The following RGPD2 variants were observed in gnomAD, a reference collection of about 807,000 sequenced individuals.
RGPD2 encodes RANBP2 like and GRIP domain containing 2, also known as RANBP2-like and GRIP domain-containing protein 2.
RGPD2 carries 2 observed loss-of-function variants against 36.0 expected under a neutral mutation model. That is an observed-to-expected ratio of 0.06 (90% confidence interval 0.02 to 0.17). RGPD2 has a LOEUF of 0.17. RGPD2 is among the 10% of genes least tolerant of loss of function. RGPD2 has a pLI of 1.00. For synonymous variants in RGPD2, 19 were observed against 163.8 expected, an observed-to-expected ratio of 0.12 and a Z score of 6.75; for missense variants, 40 against 464.3, an observed-to-expected ratio of 0.09 and a Z score of 8.40.
At chr2:87,856,843 C>T in the RGPD2 span, among the ~76,000 whole-genome samples, 1 of 151,630 alleles carries the variant, frequency 6.6e-6, no homozygotes, top group Non-Finnish European at 1.5e-5. Flanking sequence ...CGAATTTTTT[C>T]ACTTTTATTT....
the RGPD2 span, among the ~76,000 whole-genome samples, chr2:87,882,363 C>A: frequency 5.3e-5 from 8 of 152,208 alleles, no homozygotes. Context: ...ATTATCCTTT[C>A]TCCAATGTGG....
chr2:87,928,942 G>A, the RGPD2 span, among the ~76,000 whole-genome samples: 3,180 of 151,790 alleles, frequency 0.021, 123 homozygotes, highest in African/African-American at 0.073. Context: ...ATAGATTCAG[G>A]ATATTAGACC....
At chr2:87,952,391 T>C in the RGPD2 span, among the ~76,000 whole-genome samples, 2 of 152,190 alleles carry the variant, frequency 1.3e-5, no homozygotes, top group Non-Finnish European at 2.9e-5. Context: ...TGGTTTACAA[T>C]GATAAGCTTA....
the RGPD2 span, among the ~76,000 whole-genome samples, chr2:87,906,825 G>A: frequency 4.8e-3 from 708 of 146,642 alleles, no homozygotes; most frequent in East Asian, 0.059. Context: ...AGGCTTAGGT[G>A]GGAAGAGCAC....
the RGPD2 span, among the ~76,000 whole-genome samples, chr2:87,863,749 CTTTGA>C: frequency 3.3e-4 from 50 of 151,410 alleles, no homozygotes; most frequent in Admixed American, 1.5e-3. Flanking sequence ...AAGCAAATGC[CTTTGA>C]TTTATTTTCT....
the RGPD2 span, among the ~76,000 whole-genome samples, chr2:87,943,740 C>CT: frequency 6.6e-6 from 1 of 151,562 alleles, no homozygotes; most frequent in Non-Finnish European, 1.5e-5. Flanking sequence ...AGCTTTCCCT[C>CT]TATGTTTTCT....
the RGPD2 span, among the ~76,000 whole-genome samples, chr2:87,887,313 T>C: frequency 2.0e-5 from 3 of 151,378 alleles, no homozygotes; most frequent in Non-Finnish European, 4.4e-5. Context: ...CATTCGTGTG[T>C]TTTCTAAGTG....
intron 22 of RGPD2, chr2:87,771,397 T>TG (rs1456940330): frequency 5.7e-5 from 1 of 17,620 alleles, no homozygotes; most frequent in Non-Finnish European, 1.1e-4. Context: ...TTTTTTTTTT[T>TG]TTTTTTTTTT....
At chr2:87,844,774 T>C in the RGPD2 span, among the ~76,000 whole-genome samples, 1 of 150,422 alleles carries the variant, frequency 6.6e-6, no homozygotes, top group African/African-American at 2.4e-5. Flanking sequence ...AATTTCATTG[T>C]TTCTTCAAAT....
At chr2:87,916,154 A>G in the RGPD2 span, among the ~76,000 whole-genome samples, 8 of 152,062 alleles carry the variant, frequency 5.3e-5, no homozygotes, top group Non-Finnish European at 1.0e-4. Flanking sequence ...TTTATAATCT[A>G]TCATCGAGAC....
the RGPD2 span, among the ~76,000 whole-genome samples, chr2:87,846,563 G>T: frequency 1.3e-5 from 2 of 151,876 alleles, no homozygotes; most frequent in African/African-American, 4.8e-5. Context: ...ACAATTTTTT[G>T]AATTAAATAT....
At chr2:87,860,624 T>C in the RGPD2 span, among the ~76,000 whole-genome samples, 2 of 151,776 alleles carry the variant, frequency 1.3e-5, no homozygotes, top group African/African-American at 4.8e-5. Context: ...GGGCAATTTT[T>C]CTACTGGAAG....
chr2:87,878,046 C>A, the RGPD2 span, among the ~76,000 whole-genome samples: 5 of 151,860 alleles, frequency 3.3e-5, no homozygotes, highest in African/African-American at 1.2e-4. Context: ...GGGTTCTCTG[C>A]ATTTCCTGAA....
At chr2:87,940,572 G>A in the RGPD2 span, among the ~76,000 whole-genome samples, 1 of 138,312 alleles carries the variant, frequency 7.2e-6, no homozygotes, top group Non-Finnish European at 1.6e-5. Flanking sequence ...CACTTAAGGG[G>A]TTTGGTGGAT....
the RGPD2 span, among the ~76,000 whole-genome samples, chr2:87,974,125 TC>T: frequency 6.8e-6 from 1 of 146,150 alleles, no homozygotes; most frequent in Non-Finnish European, 1.5e-5. Flanking sequence ...CCTGTGAGGT[TC>T]TTTTTGTTAG....
chr2:87,781,468 T>G (rs924777416), intron 20 of RGPD2, among the ~76,000 whole-genome samples: 24 of 138,854 alleles, frequency 1.7e-4, no homozygotes, highest in East Asian at 1.1e-3. Context: ...TTTTTTGTTT[T>G]TTTTTTTTTT....
At chr2:87,985,747 G>C in the RGPD2 span, 1 of 1,604,016 alleles carries the variant, frequency 6.2e-7, no homozygotes, top group African/African-American at 1.3e-5. Flanking sequence ...CATGCTAAGC[G>C]GTCTGTGTTA....
chr2:87,976,338 T>C, the RGPD2 span, among the ~76,000 whole-genome samples: 6 of 152,198 alleles, frequency 3.9e-5, no homozygotes, highest in South Asian at 1.2e-3. Context: ...TGCAACTACT[T>C]CATTTCACAA....
intron 21 of RGPD2, among the ~76,000 whole-genome samples, chr2:87,772,756 A>T (rs1259540360): frequency 7.0e-6 from 1 of 143,190 alleles, no homozygotes; most frequent in African/African-American, 2.6e-5. Flanking sequence ...AGTAGATGAG[A>T]TAACGTCAAG....
Sources: gnomAD v4.1 joint callset for allele counts (sites outside exome capture counted in the v4.1 genomes callset) on GRCh38, gnomAD v4.1.1 for gene constraint, MANE v1.5 for transcripts, NCBI Gene and HGNC (gene_info 2026-07-23, HGNC 2026-07-21) for gene names.